Variants in ABHD18 observed in about 807,000 individuals in gnomAD.
The protein encoded by ABHD18 is cardiolipin-specific deacylase, mitochondrial.
ABHD18 carries 55 observed loss-of-function variants against 65.9 expected under a neutral mutation model. The ratio of observed to expected loss-of-function variants is 0.84; its 90% CI spans 0.67 to 1.05. The LOEUF (loss-of-function observed/expected upper bound fraction) is 1.05, where lower values mean the gene tolerates loss of function less well. Among genes scored for constraint, ABHD18 ranks in the 50% least tolerant of loss-of-function variants. The pLI, the probability that ABHD18 is intolerant of heterozygous loss-of-function variation, is 0.00. For missense variants in ABHD18, 533 were observed against 558.5 expected (o/e 0.95, Z 0.46); for synonymous variants, 181 against 180.2 (o/e 1.00, Z -0.04).
rs576179689 is a variant in ABHD18 at position 128,036,775 on chromosome 4, T to C, written c.*962T>C. ...CAAAATGAGTGTTCTGCAGATAAAA[T>C]GCATTAGACTTTGCTAGACTAAAAC... On this transcript the variant is annotated 3_prime_UTR_variant, in exon 13 of 13. Coordinates refer to ENST00000645843, the MANE Select transcript of ABHD18 (RefSeq NM_001358451.3). 1.3e-5 allele frequency: 2 copies of C among 151,690 alleles called. No individual in the cohort carries two copies. Among genetic ancestry groups the C allele is most frequent in the East Asian group, 3.9e-4 (2 of 5,126 alleles). The allele number at this position is 151,690 out of a possible 1,614,324, so 9.4% of individuals were successfully genotyped here.
rs903683208 is a variant in ABHD18, at chr4:128,024,961, G to A, written c.802-3514G>A. Reference sequence around the variant, plus strand: ...CCCACCTCGGCCTTCCAAAGTGCTGGTATTACAGGCGTGAGCCACTGCGCC... The same window carrying A: ...CCCACCTCGGCCTTCCAAAGTGCTGATATTACAGGCGTGAGCCACTGCGCC... On this transcript the variant is annotated intron_variant, in intron 10 of 12. Transcript: ENST00000645843. 2.0e-5 allele frequency among the ~76,000 whole-genome samples: 3 copies of A among 152,126 alleles called. No homozygotes were observed. The South Asian group carries it at 6.2e-4, about 32-fold the overall frequency.
rs142311051 is a variant in ABHD18 at position 128,018,144 on chromosome 4, C to T, written c.609+643C>T. Among the ~76,000 whole-genome samples, 4 of 152,284 alleles carry T rather than the reference C, an allele frequency of 2.6e-5. No homozygotes were observed. In the East Asian group the frequency reaches 7.7e-4, roughly 29 times the overall value. On this transcript the variant is annotated intron_variant, in intron 8 of 12. Coordinates refer to ENST00000645843, the MANE Select transcript of ABHD18 (RefSeq NM_001358451.3). ...ACCCTTCTGTTTCAGCTGTGACACC[C>T]AGCCTTACCTCCAGACTATACTTCA...
At chr4:127,983,641 G>C (rs368161051) in intron 2 of ABHD18, among the ~76,000 whole-genome samples, 1 of 152,090 alleles carries the variant, frequency 6.6e-6, no homozygotes, top group South Asian at 2.1e-4. Flanking sequence ...CAAGGCAGGC[G>C]GATCACGAGG....
chr4:128,021,858 C>T (rs1648357697), intron 10 of ABHD18, among the ~76,000 whole-genome samples: 3 of 152,106 alleles, frequency 2.0e-5, no homozygotes, highest in African/African-American at 4.8e-5. Context: ...TATTAGTAAT[C>T]GTTATCCTTA....
intron 1 of ABHD18, among the ~76,000 whole-genome samples, chr4:127,976,430 T>G (rs1459536476): frequency 6.6e-6 from 1 of 152,200 alleles, no homozygotes; most frequent in Non-Finnish European, 1.5e-5. Flanking sequence ...TATGACATTT[T>G]GAATTTCCTC....
At chr4:127,983,122 T>C (rs1749344041) in intron 2 of ABHD18, 75 bp downstream of exon 2, 1 of 978,222 alleles carries the variant, frequency 1.0e-6, no homozygotes, top group African/African-American at 1.6e-5. Flanking sequence ...TGTTATAAAA[T>C]CCTTTACTCT....
chr4:128,018,843 G>T (rs1019309020), intron 8 of ABHD18, among the ~76,000 whole-genome samples: 1 of 151,802 alleles, frequency 6.6e-6, no homozygotes, highest in South Asian at 2.1e-4. Context: ...GTGAAACCCC[G>T]TCTCTACTAA....
At chr4:128,028,953 G>T (rs1447127578) in intron 11 of ABHD18, 100 bp downstream of exon 11, 13 of 1,046,856 alleles carry the variant, frequency 1.2e-5, no homozygotes, top group Non-Finnish European at 1.7e-5. Flanking sequence ...ATTTTCAAGG[G>T]TATATTTTTT....
Position 127,989,800 on chromosome 4 carries a change from C to T in ABHD18, c.257C>T (p.Pro86Leu). Reference sequence around the variant, plus strand: ...GCTCACTATGTGCCTGATATCATGCCAATTGAATCTGTTATTGCAAGGTAA... The same window carrying T: ...GCTCACTATGTGCCTGATATCATGCTAATTGAATCTGTTATTGCAAGGTAA... ...PMAHYVPDIM[P>L]IESVIARFQF... The change falls in exon 4 of 13, where the codon CCA (proline) becomes CTA (leucine). Residue 86 changes from proline (P) to leucine (L), a missense_variant. Transcript: ENST00000645843. The T allele has an allele frequency of 6.3e-7, 1 of 1,587,802 alleles. No homozygotes were observed. Among genetic ancestry groups the T allele is most frequent in the Non-Finnish European group, 8.6e-7 (1 of 1,166,322 alleles).
At chr4:127,997,611 A>T (rs1751949221) in intron 4 of ABHD18, among the ~76,000 whole-genome samples, 1 of 152,160 alleles carries the variant, frequency 6.6e-6, no homozygotes, top group South Asian at 2.1e-4. Flanking sequence ...GTAGTTTGAA[A>T]CTTGTAGAGT....
At chr4:128,026,825 G>T (rs1343753773) in intron 10 of ABHD18, among the ~76,000 whole-genome samples, 1 of 145,500 alleles carries the variant, frequency 6.9e-6, no homozygotes, top group South Asian at 2.2e-4. Context: ...TTGCTCTGTC[G>T]CCCAGGCTGG....
intron 4 of ABHD18, among the ~76,000 whole-genome samples, chr4:127,990,876 G>C (rs1197005433): frequency 6.6e-6 from 1 of 152,016 alleles, no homozygotes; most frequent in Non-Finnish European, 1.5e-5. Context: ...ATGGTTTTTT[G>C]TTTGTTTGTT....
chr4:127,984,527 T>A, intron 3 of ABHD18, 104 bp downstream of exon 3: 1 of 596,560 alleles, frequency 1.7e-6, no homozygotes, highest in Non-Finnish European at 2.9e-6. Context: ...CACTAAAATA[T>A]GAGTGCCGTA....
intron 3 of ABHD18, among the ~76,000 whole-genome samples, chr4:127,984,767 G>A (rs1169804809): frequency 6.6e-6 from 1 of 152,178 alleles, no homozygotes; most frequent in African/African-American, 2.4e-5. Flanking sequence ...GGCTGAGGCA[G>A]GAGAATCACT....
At chr4:127,988,977 A>G (rs138021247) in intron 3 of ABHD18, among the ~76,000 whole-genome samples, 1 of 152,346 alleles carries the variant, frequency 6.6e-6, no homozygotes, top group East Asian at 1.9e-4. Context: ...CGGCACTCCC[A>G]TATTTATTGT....
intron 4 of ABHD18, among the ~76,000 whole-genome samples, chr4:127,992,247 G>A (rs974244299): frequency 1.1e-4 from 17 of 151,986 alleles, no homozygotes; most frequent in Admixed American, 1.0e-3. Context: ...CTAGGAGGGC[G>A]GATCACCTGA....
chr4:127,984,265 G>A, intron 2 of ABHD18, 74 bp from the exon 3 acceptor site: 1 of 799,382 alleles, frequency 1.3e-6, no homozygotes, highest in Non-Finnish European at 2.0e-6. Flanking sequence ...CTGTTAATCA[G>A]TCTCAATTAT....
At chr4:127,972,031 G>T (rs1746923580) in intron 1 of ABHD18, among the ~76,000 whole-genome samples, 6 of 152,050 alleles carry the variant, frequency 3.9e-5, no homozygotes, top group Admixed American at 3.9e-4. Flanking sequence ...AGCCCTGTGG[G>T]TCTATAATTT....
chr4:128,000,185 C>G (rs1314587252), intron 4 of ABHD18, among the ~76,000 whole-genome samples: 1 of 152,160 alleles, frequency 6.6e-6, no homozygotes, highest in Non-Finnish European at 1.5e-5. Flanking sequence ...GGTGGGGACA[C>G]AGCTAAACCA....
Sources: gnomAD v4.1 joint callset for allele counts (sites outside exome capture counted in the v4.1 genomes callset) on GRCh38, gnomAD v4.1.1 for gene constraint, MANE v1.5 for transcripts, NCBI Gene and HGNC (gene_info 2026-07-23, HGNC 2026-07-21) for gene names.